Variants in ROBO1 observed in about 807,000 individuals in gnomAD.
The protein encoded by ROBO1 is roundabout guidance receptor 1, also known as roundabout homolog 1.
ROBO1 carries 149 observed loss-of-function variants against 195.9 expected under a neutral mutation model. The observed-to-expected ratio is 0.76, with a 90% confidence interval of 0.67 to 0.87. The LOEUF (loss-of-function observed/expected upper bound fraction) is 0.87, where lower values mean the gene tolerates loss of function less well. ROBO1 is among the 40% of genes least tolerant of loss of function. ROBO1 has a pLI of 0.00. For missense variants in ROBO1, 1,933 were observed against 2,068.3 expected, an observed-to-expected ratio of 0.93 and a Z score of 1.27; for synonymous variants, 816 against 733.2, an observed-to-expected ratio of 1.11 and a Z score of -1.82.
chr3:79,127,097 T>C (rs1282760240), intron 2 of ROBO1, among the ~76,000 whole-genome samples: 1 of 152,060 alleles, frequency 6.6e-6, no homozygotes, highest in African/African-American at 2.4e-5. Flanking sequence ...TAGTGATGGC[T>C]GTTGTCATTT....
At chr3:79,097,589 A>C (rs1407271943) in intron 3 of ROBO1, among the ~76,000 whole-genome samples, 1 of 151,808 alleles carries the variant, frequency 6.6e-6, no homozygotes, top group African/African-American at 2.4e-5. Flanking sequence ...ATGTCAAGTC[A>C]GTTCAAAACT....
chr3:79,127,844 C>G (rs2108578507), intron 2 of ROBO1, among the ~76,000 whole-genome samples: 1 of 152,314 alleles, frequency 6.6e-6, no homozygotes. Context: ...CTGGCCCCTT[C>G]TTAGGCTCAG....
At chr3:79,632,233 G>T (rs1038494338) in intron 1 of ROBO1, among the ~76,000 whole-genome samples, 7 of 152,044 alleles carry the variant, frequency 4.6e-5, no homozygotes, top group Non-Finnish European at 1.0e-4. Flanking sequence ...ATCATCTTAA[G>T]TGTCTACCAG....
chr3:78,641,547 T>C (rs1014203813), intron 21 of ROBO1, among the ~76,000 whole-genome samples: 3 of 152,206 alleles, frequency 2.0e-5, no homozygotes, highest in Admixed American at 6.6e-5. Context: ...ATCTGGAGCC[T>C]TGAAATAGAT....
intron 3 of ROBO1, among the ~76,000 whole-genome samples, chr3:79,080,721 GC>G (rs2079257629): frequency 6.6e-6 from 1 of 152,016 alleles, no homozygotes; most frequent in African/African-American, 2.4e-5. Context: ...AATTCATGCA[GC>G]CTTCATGTTT....
At chr3:78,968,236 G>C (rs2076688203) in intron 3 of ROBO1, among the ~76,000 whole-genome samples, 1 of 150,604 alleles carries the variant, frequency 6.6e-6, no homozygotes, top group Non-Finnish European at 1.5e-5. Context: ...GTCATGAAAT[G>C]GAAAACATGT....
At chr3:79,725,552 G>A (rs1702888011) in intron 1 of ROBO1, among the ~76,000 whole-genome samples, 1 of 152,146 alleles carries the variant, frequency 6.6e-6, no homozygotes, top group Non-Finnish European at 1.5e-5. Flanking sequence ...ATCTGCAGGA[G>A]ATGCAGCCAA....
At chr3:79,198,068 T>C (rs1028832912) in intron 2 of ROBO1, among the ~76,000 whole-genome samples, 6 of 152,098 alleles carry the variant, frequency 3.9e-5, no homozygotes, top group African/African-American at 1.2e-4. Flanking sequence ...AATTTTGGCT[T>C]TTGTTGCCAT....
chr3:79,180,615 C>G (rs1466480633), intron 2 of ROBO1, among the ~76,000 whole-genome samples: 2 of 152,142 alleles, frequency 1.3e-5, no homozygotes, highest in Admixed American at 6.5e-5. Context: ...ACCTATATAC[C>G]ATTTCTCAAG....
chr3:79,546,931 C>T (rs898527330), intron 2 of ROBO1, among the ~76,000 whole-genome samples: 1 of 152,076 alleles, frequency 6.6e-6, no homozygotes, highest in African/African-American at 2.4e-5. Context: ...CCTGTAATCC[C>T]AGCACCTTGG....
chr3:78,651,094 T>C (rs1205294856), intron 19 of ROBO1, among the ~76,000 whole-genome samples: 1 of 152,184 alleles, frequency 6.6e-6, no homozygotes, highest in Non-Finnish European at 1.5e-5. Flanking sequence ...TTGTAAATAA[T>C]AATAGTGGCC....
At chr3:79,700,317 T>TTTTGTGTG (rs1553793339) in intron 1 of ROBO1, among the ~76,000 whole-genome samples, 5 of 144,254 alleles carry the variant, frequency 3.5e-5, no homozygotes, top group South Asian at 2.2e-4. Context: ...GTGTGTGTGT[T>TTTTGTGTG]TGTGTGTGTG....
chr3:79,579,193 G>C (rs1441721592), intron 2 of ROBO1, among the ~76,000 whole-genome samples: 1 of 152,106 alleles, frequency 6.6e-6, no homozygotes, highest in Non-Finnish European at 1.5e-5. Flanking sequence ...GCATTATTAG[G>C]AATACACAAG....
chr3:78,649,104 A>G (rs1157399120), intron 19 of ROBO1, among the ~76,000 whole-genome samples: 1 of 149,982 alleles, frequency 6.7e-6, no homozygotes, highest in East Asian at 2.0e-4. Context: ...AAAAATTCAG[A>G]GCCATAGTAA....
chr3:79,256,006 A>G (rs2082826688), intron 2 of ROBO1, among the ~76,000 whole-genome samples: 1 of 152,172 alleles, frequency 6.6e-6, no homozygotes, highest in Non-Finnish European at 1.5e-5. Context: ...TAATAAGGAA[A>G]GCATCCTTGG....
At chr3:79,658,914 T>A (rs531515582) in intron 1 of ROBO1, among the ~76,000 whole-genome samples, 12 of 152,146 alleles carry the variant, frequency 7.9e-5, no homozygotes, top group Admixed American at 5.2e-4. Context: ...TTTTTGTATT[T>A]TTAGTAGAGA....
intron 1 of ROBO1, among the ~76,000 whole-genome samples, chr3:79,719,859 C>T (rs1474411199): frequency 3.3e-5 from 5 of 152,014 alleles, no homozygotes; most frequent in Non-Finnish European, 7.4e-5. Context: ...ATATTTATCT[C>T]AGAAAAAATA....
chr3:78,701,368 C>A (rs1260378066), intron 8 of ROBO1, among the ~76,000 whole-genome samples: 1 of 152,104 alleles, frequency 6.6e-6, no homozygotes, highest in Non-Finnish European at 1.5e-5. Context: ...AATGATAAAG[C>A]AGCCAATTCC....
intron 4 of ROBO1, among the ~76,000 whole-genome samples, chr3:78,784,442 A>G (rs546240088): frequency 6.6e-6 from 1 of 152,232 alleles, no homozygotes; most frequent in East Asian, 1.9e-4. Flanking sequence ...TATCAGTTCA[A>G]CTTCTGTTTC....
Sources: gnomAD v4.1 joint callset for allele counts (sites outside exome capture counted in the v4.1 genomes callset) on GRCh38, gnomAD v4.1.1 for gene constraint, MANE v1.5 for transcripts, NCBI Gene and HGNC (gene_info 2026-07-23, HGNC 2026-07-21) for gene names.